MSRB3: variants seen among roughly 807,000 people sequenced by gnomAD.
MSRB3 encodes the protein methionine-R-sulfoxide reductase B3.
A neutral mutation model predicts 21.0 loss-of-function variants in MSRB3; 13 were observed. The observed-to-expected ratio is 0.62, with a 90% confidence interval of 0.40 to 0.98. MSRB3 has a LOEUF of 0.98. MSRB3 is among the 50% of genes least tolerant of loss of function. MSRB3 has a pLI of 0.00. For synonymous variants in MSRB3, 87 were observed against 88.6 expected, an observed-to-expected ratio of 0.98 and a Z score of 0.10; for missense variants, 199 against 230.3, an observed-to-expected ratio of 0.86 and a Z score of 0.88.
At chr12:65,442,821 G>C (rs1447579896) in intron 5 of MSRB3, among the ~76,000 whole-genome samples, 2 of 152,026 alleles carry the variant, frequency 1.3e-5, no homozygotes, top group Non-Finnish European at 2.9e-5. Flanking sequence ...ATGTGATGTA[G>C]CTCAGGTCCT....
At chr12:65,448,596 A>G (rs554547679) in intron 5 of MSRB3, among the ~76,000 whole-genome samples, 6 of 152,340 alleles carry the variant, frequency 3.9e-5, no homozygotes, top group Middle Eastern at 3.4e-3. Context: ...TTCCATATGT[A>G]TATCTGTGCT....
intron 5 of MSRB3, among the ~76,000 whole-genome samples, chr12:65,421,730 G>C (rs1347227788): frequency 1.3e-5 from 2 of 152,158 alleles, no homozygotes; most frequent in Admixed American, 6.6e-5. Flanking sequence ...CCTGAAAGGA[G>C]CACTAAATAT....
intron 5 of MSRB3, among the ~76,000 whole-genome samples, chr12:65,392,162 G>A (rs1372915545): frequency 6.6e-6 from 1 of 152,104 alleles, no homozygotes; most frequent in African/African-American, 2.4e-5. Context: ...GCCCATCCTA[G>A]ATCAATTAAC....
intron 1 of MSRB3, among the ~76,000 whole-genome samples, chr12:65,298,406 A>T (rs1427651999): frequency 4.6e-5 from 7 of 152,244 alleles, no homozygotes; most frequent in Non-Finnish European, 8.8e-5. Flanking sequence ...TTTGAAGTAG[A>T]TATGGAATGC....
chr12:65,447,338 AT>A (rs1219102388), intron 5 of MSRB3, among the ~76,000 whole-genome samples: 1 of 152,222 alleles, frequency 6.6e-6, no homozygotes, highest in Non-Finnish European at 1.5e-5. Flanking sequence ...AAATTTAAAA[AT>A]CAAGATAAAG....
At chr12:65,348,129 T>G (rs1876656249) in intron 4 of MSRB3, among the ~76,000 whole-genome samples, 1 of 152,210 alleles carries the variant, frequency 6.6e-6, no homozygotes, top group East Asian at 1.9e-4. Context: ...TCCCTCTTTT[T>G]CTGTTGATTG....
intron 1 of MSRB3, among the ~76,000 whole-genome samples, chr12:65,302,595 A>C (rs1240283470): frequency 6.6e-6 from 1 of 152,198 alleles, no homozygotes; most frequent in Non-Finnish European, 1.5e-5. Flanking sequence ...CACTTGAAAG[A>C]TCGAGTAAGC....
At chr12:65,396,704 A>AAAAAAAAAAAAG (rs1383726558) in intron 5 of MSRB3, among the ~76,000 whole-genome samples, 1 of 54,134 alleles carries the variant, frequency 1.8e-5, no homozygotes, top group African/African-American at 6.7e-5. Flanking sequence ...AAAAAAAAAA[A>AAAAAAAAAAAAG]AAAGAAAGAA....
In MSRB3 at chr12:65,403,022, C is replaced by A. The variant is rs185869355; in HGVS notation, c.292+33996C>A. On this transcript the variant is annotated intron_variant, in intron 5 of 6. Coordinates refer to ENST00000308259, the MANE Select transcript of MSRB3 (RefSeq NM_001031679.3). ...TCGCCAGATGCCAGCCAGAGCTCTC[C>A]TGTATGAGGTGTCTGTCGACCTCTG... 1.7e-3 allele frequency among the ~76,000 whole-genome samples: 262 copies of A among 152,336 alleles called. 2 individuals carry two copies. The highest frequency in any genetic ancestry group is 6.0e-3 in the African/African-American group (250 of 41,574).
At chr12:65,363,258 C>T (rs1877813140) in intron 4 of MSRB3, among the ~76,000 whole-genome samples, 1 of 151,976 alleles carries the variant, frequency 6.6e-6, no homozygotes, top group Non-Finnish European at 1.5e-5. Context: ...AAATGAAAAA[C>T]AATGTTCTCT....
Position 65,278,858 on chromosome 12 carries a change from G to A in MSRB3, c.-59G>A. ...GCCTGGCCGCGGCTCTGGGAAGTGC[G>A]CAGTCCGGTAAGTTCGGGCTCCCCT... On this transcript the variant is annotated 5_prime_UTR_variant, in exon 1 of 7. Transcript: ENST00000308259. 6.4e-7 allele frequency: 1 copy of A among 1,559,346 alleles called. No individual in the cohort carries two copies. Among genetic ancestry groups the A allele is most frequent in the South Asian group, 1.2e-5 (1 of 84,530 alleles).
At chr12:65,403,263 A>G (rs1261858476) in intron 5 of MSRB3, among the ~76,000 whole-genome samples, 2 of 152,230 alleles carry the variant, frequency 1.3e-5, no homozygotes, top group African/African-American at 4.8e-5. Context: ...CTGTAAGCCC[A>G]TGACTGGGGC....
intron 5 of MSRB3, among the ~76,000 whole-genome samples, chr12:65,444,341 C>A (rs867768073): frequency 6.6e-6 from 1 of 152,098 alleles, no homozygotes. Context: ...TAATTAGGAA[C>A]AACAACAAAC....
intron 5 of MSRB3, among the ~76,000 whole-genome samples, chr12:65,417,424 T>C (rs1028523387): frequency 3.3e-5 from 5 of 152,230 alleles, no homozygotes; most frequent in Admixed American, 6.5e-5. Flanking sequence ...TGTTCTGATA[T>C]AGGTATGTGT....
At chr12:65,420,001 G>T (rs899423258) in intron 5 of MSRB3, 3 of 562,478 alleles carry the variant, frequency 5.3e-6, no homozygotes, top group Non-Finnish European at 1.1e-5. Context: ...GGTGGACAAG[G>T]TGGAGCGAGT....
intron 5 of MSRB3, among the ~76,000 whole-genome samples, chr12:65,380,252 C>T (rs1237134710): frequency 6.6e-6 from 1 of 152,138 alleles, no homozygotes; most frequent in Non-Finnish European, 1.5e-5. Flanking sequence ...ATTTGAGGAA[C>T]AGTAAGTAAA....
At chr12:65,354,962 G>A (rs1877293048) in intron 4 of MSRB3, among the ~76,000 whole-genome samples, 1 of 151,798 alleles carries the variant, frequency 6.6e-6, no homozygotes, top group Non-Finnish European at 1.5e-5. Flanking sequence ...GAGTGGTAAA[G>A]CTAACTCCTT....
At chr12:65,340,136 G>A (rs1876042963) in intron 4 of MSRB3, among the ~76,000 whole-genome samples, 2 of 152,118 alleles carry the variant, frequency 1.3e-5, no homozygotes, top group South Asian at 4.1e-4. Context: ...ATGACAAGAT[G>A]GAGAATTTCA....
intron 5 of MSRB3, among the ~76,000 whole-genome samples, chr12:65,435,793 A>G (rs563407934): frequency 2.6e-5 from 4 of 151,950 alleles, no homozygotes; most frequent in Admixed American, 6.6e-5. Context: ...AAGTAGCAAT[A>G]AAAGATAAGG....
Sources: allele counts gnomAD v4.1 joint callset (sites outside exome capture counted in the v4.1 genomes callset), GRCh38; gene constraint gnomAD v4.1.1; transcripts MANE v1.5; gene names NCBI Gene and HGNC (gene_info 2026-07-23, HGNC 2026-07-21).